The following CMSS1 variants were observed in gnomAD, a reference collection of about 807,000 sequenced individuals.
CMSS1 encodes the protein cms1 ribosomal small subunit homolog, also known as protein CMSS1.
CMSS1 carries 33 observed loss-of-function variants against 43.5 expected under a neutral mutation model. The ratio of observed to expected loss-of-function variants is 0.76; its 90% confidence interval spans 0.57 to 1.01. CMSS1 has a LOEUF of 1.01. CMSS1 is among the 50% of genes least tolerant of loss of function. CMSS1 has a pLI of 0.00. For synonymous variants in CMSS1, 115 were observed against 117.2 expected (o/e 0.98, Z 0.12); for missense variants, 313 against 326.4 (o/e 0.96, Z 0.32).
At chr3:99,838,957 C>T (rs1344555732) in intron 1 of CMSS1, among the ~76,000 whole-genome samples, 2 of 152,144 alleles carry the variant, frequency 1.3e-5, no homozygotes, top group African/African-American at 4.8e-5. Flanking sequence ...GCCCTTTAAG[C>T]CTTACCCTGC....
intron 6 of CMSS1, among the ~76,000 whole-genome samples, 155 bp from the exon 7 acceptor site, chr3:100,171,684 C>T (rs141218824): frequency 1.8e-3 from 268 of 152,272 alleles, no homozygotes; most frequent in African/African-American, 6.1e-3. Context: ...CAAAGATTGG[C>T]TAACCTGCAA....
At chr3:99,914,816 C>T (rs1443578489) in intron 1 of CMSS1, among the ~76,000 whole-genome samples, 1 of 152,136 alleles carries the variant, frequency 6.6e-6, no homozygotes, top group Non-Finnish European at 1.5e-5. Flanking sequence ...AATATAAATG[C>T]CCACAACAGA....
In CMSS1 at chr3:99,968,430, A is replaced by G. The variant is rs539704779; in HGVS notation, c.64+150387A>G. On this transcript the variant is annotated intron_variant, in intron 1 of 9. Transcript: ENST00000421999. The stretch of plus-strand genomic sequence containing the variant: ...TCCTGAAAAACTATGTTTTTGGGGG[A>G]AAAAAAAAAAAAAGACTGAATGATA... Among the ~76,000 whole-genome samples the G allele has an allele frequency of 6.2e-5, 9 of 145,392 alleles. No individual in the cohort carries two copies. In the South Asian group the frequency reaches 6.5e-4, roughly 10 times the overall value.
chr3:100,137,532 G>A (rs1345630165), intron 1 of CMSS1, among the ~76,000 whole-genome samples: 4 of 151,206 alleles, frequency 2.6e-5, no homozygotes, highest in African/African-American at 9.7e-5. Context: ...ATAATTGATA[G>A]ATAAAAGAGA....
At chr3:100,064,922 T>A (rs2065637885) in intron 1 of CMSS1, among the ~76,000 whole-genome samples, 1 of 152,188 alleles carries the variant, frequency 6.6e-6, no homozygotes, top group Non-Finnish European at 1.5e-5. Context: ...AAACATGTAT[T>A]GCTGTTGCTG....
chr3:100,092,771 G>A (rs2066133242), intron 1 of CMSS1, among the ~76,000 whole-genome samples: 1 of 150,914 alleles, frequency 6.6e-6, no homozygotes, highest in Admixed American at 6.6e-5. Context: ...TTATCTCCCT[G>A]CATTCAGCAT....
At chr3:100,107,093 G>T (rs1223425548) in intron 1 of CMSS1, among the ~76,000 whole-genome samples, 1 of 151,974 alleles carries the variant, frequency 6.6e-6, no homozygotes, top group African/African-American at 2.4e-5. Context: ...AGTGCTGCAG[G>T]TACAGGTGAA....
chr3:100,033,968 A>C (rs1422846777), intron 1 of CMSS1, among the ~76,000 whole-genome samples: 1 of 152,162 alleles, frequency 6.6e-6, no homozygotes, highest in African/African-American at 2.4e-5. Flanking sequence ...TTTAATCCAG[A>C]TTTCTTTGAA....
chr3:100,063,483 G>T (rs988086868), intron 1 of CMSS1, among the ~76,000 whole-genome samples: 1 of 151,834 alleles, frequency 6.6e-6, no homozygotes, highest in African/African-American at 2.4e-5. Flanking sequence ...TTCTCCAGGT[G>T]AATTTACTTT....
At chr3:99,872,269 C>CTGTGTGTGTGTG (rs55727823) in intron 1 of CMSS1, among the ~76,000 whole-genome samples, 1,870 of 110,760 alleles carry the variant, frequency 0.017, 53 homozygotes, top group East Asian at 0.027. Context: ...TGTGCCAGGA[C>CTGTGTGTGTGTG]TGTGTGTGTG....
chr3:100,050,654 C>T (rs1006372772), intron 1 of CMSS1, among the ~76,000 whole-genome samples: 1 of 152,146 alleles, frequency 6.6e-6, no homozygotes, highest in East Asian at 1.9e-4. Context: ...GCCTCAGCCT[C>T]CAAGTAGCTG....
At chr3:100,023,341 G>C (rs2064859590) in intron 1 of CMSS1, 1 of 152,636 alleles carries the variant, frequency 6.6e-6, no homozygotes, top group African/African-American at 2.4e-5. Context: ...AAGAGACAGT[G>C]TGTCTGAAAG....
chr3:100,176,711 C>T (rs902047981), intron 9 of CMSS1, among the ~76,000 whole-genome samples: 33 of 152,164 alleles, frequency 2.2e-4, no homozygotes, highest in African/African-American at 8.0e-4. Context: ...ACCTGCACTT[C>T]TCCTGTGCCT....
At chr3:99,858,660 T>G (rs1353863046) in intron 1 of CMSS1, among the ~76,000 whole-genome samples, 1 of 152,208 alleles carries the variant, frequency 6.6e-6, no homozygotes, top group East Asian at 1.9e-4. Context: ...GTTTCACACA[T>G]TCCATTAGCT....
intron 1 of CMSS1, among the ~76,000 whole-genome samples, chr3:100,115,995 C>T (rs2066564920): frequency 6.6e-6 from 1 of 151,884 alleles, no homozygotes; most frequent in African/African-American, 2.4e-5. Context: ...TAGAATGTTC[C>T]TTAGTTTAGA....
At chr3:100,125,372 G>C (rs1249451013) in intron 1 of CMSS1, among the ~76,000 whole-genome samples, 1 of 152,160 alleles carries the variant, frequency 6.6e-6, no homozygotes, top group Non-Finnish European at 1.5e-5. Flanking sequence ...AATCATTTTA[G>C]TTAGGGGCCT....
At chr3:99,929,307 G>C (rs1016529055) in intron 1 of CMSS1, among the ~76,000 whole-genome samples, 7 of 152,264 alleles carry the variant, frequency 4.6e-5, no homozygotes, top group African/African-American at 1.4e-4. Flanking sequence ...GGTCTTTGCT[G>C]TCATTAAACT....
Position 100,181,605 on chromosome 3 carries a change from T to C in CMSS1, c.*3217T>C, listed in dbSNP as rs981756062. On this transcript the variant is annotated 3_prime_UTR_variant, in exon 10 of 10. Transcript: ENST00000421999. ...AGACCAGTGACAGTTCCTCAGTATT[T>C]CCCTGTCTTTCATGACCTTCACACT... 2.6e-5 allele frequency: 4 copies of C among 152,250 alleles called. No homozygotes were observed. The highest frequency in any genetic ancestry group is 2.6e-4 in the Admixed American group (4 of 15,286). 9.4% of individuals were successfully genotyped at this position (152,250 alleles called of 1,614,324 possible).
chr3:100,155,227 G>T (rs1314073930), intron 2 of CMSS1, among the ~76,000 whole-genome samples: 1 of 152,078 alleles, frequency 6.6e-6, no homozygotes, highest in Non-Finnish European at 1.5e-5. Context: ...CCACATTTTG[G>T]TCAAAACAGT....
Sources: gnomAD v4.1 joint callset for allele counts (sites outside exome capture counted in the v4.1 genomes callset) on GRCh38, gnomAD v4.1.1 for gene constraint, MANE v1.5 for transcripts, NCBI Gene and HGNC (gene_info 2026-07-23, HGNC 2026-07-21) for gene names.